CACNA1E: variants seen among roughly 807,000 people sequenced by gnomAD.
CACNA1E encodes the protein calcium voltage-gated channel subunit alpha1 E, also known as voltage-dependent R-type calcium channel subunit alpha-1E.
CACNA1E carries 40 observed loss-of-function variants against 259.2 expected under a neutral mutation model. That is an observed-to-expected ratio of 0.15 (90% CI 0.12 to 0.20). The LOEUF (loss-of-function observed/expected upper bound fraction) is 0.20, where lower values mean the gene tolerates loss of function less well. Ranked by LOEUF, CACNA1E falls within the 10% of genes least tolerant of loss-of-function variation. CACNA1E has a pLI of 1.00. For missense variants in CACNA1E, 1,874 were observed against 3,040.1 expected, an observed-to-expected ratio of 0.62 and a Z score of 9.02; for synonymous variants, 1,104 against 1,138.5, an observed-to-expected ratio of 0.97 and a Z score of 0.61.
intron 6 of CACNA1E, among the ~76,000 whole-genome samples, chr1:181,636,969 C>G (rs1414554735): frequency 6.6e-6 from 1 of 152,190 alleles, no homozygotes; most frequent in South Asian, 2.1e-4. Flanking sequence ...CTGCCCTCTC[C>G]CCTCTTCAAT....
chr1:181,400,614 C>T (rs887370768), intron 1 of CACNA1E, among the ~76,000 whole-genome samples: 2 of 152,126 alleles, frequency 1.3e-5, no homozygotes, highest in African/African-American at 2.4e-5. Flanking sequence ...GGCAAGGTCC[C>T]CGTGCCCCTC....
intron 40 of CACNA1E, among the ~76,000 whole-genome samples, chr1:181,784,255 C>A: frequency 6.6e-6 from 1 of 152,144 alleles, no homozygotes; most frequent in East Asian, 1.9e-4. Context: ...TTTGTGCAAT[C>A]TAAATCCTTT....
chr1:181,518,519 G>A (rs1666759799), intron 3 of CACNA1E, among the ~76,000 whole-genome samples: 1 of 152,198 alleles, frequency 6.6e-6, no homozygotes, highest in Non-Finnish European at 1.5e-5. Context: ...TCCAGGGAGA[G>A]GTGGGCAAAA....
chr1:181,527,778 A>G (rs1252167596), intron 3 of CACNA1E, among the ~76,000 whole-genome samples: 1 of 152,056 alleles, frequency 6.6e-6, no homozygotes, highest in Non-Finnish European at 1.5e-5. Flanking sequence ...TGATAGTTCT[A>G]TGTTGTTTTT....
chr1:181,736,140 T>C, intron 21 of CACNA1E, 135 bp from the exon 22 acceptor site: 1 of 966,742 alleles, frequency 1.0e-6, no homozygotes, highest in Non-Finnish European at 1.5e-6. Context: ...ATACCCCCAG[T>C]GCCTGCAGGG....
At chr1:181,726,237 G>T (rs1654898887) in intron 18 of CACNA1E, 75 bp downstream of exon 18, 2 of 1,029,020 alleles carry the variant, frequency 1.9e-6, no homozygotes, top group Non-Finnish European at 3.0e-6. Context: ...CAGAACTATT[G>T]GTTATAGGAG....
intron 44 of CACNA1E, 26 bp from the exon 45 acceptor site, chr1:181,793,639 A>T (rs1448874276): frequency 1.2e-6 from 2 of 1,603,874 alleles, no homozygotes; most frequent in South Asian, 2.3e-5. Context: ...CAAGTCCCAC[A>T]AGCTTGGCTG....
intron 3 of CACNA1E, among the ~76,000 whole-genome samples, chr1:181,560,246 TTG>T (rs1340199565): frequency 1.3e-5 from 2 of 151,304 alleles, no homozygotes; most frequent in African/African-American, 2.4e-5. Context: ...AAGTTTTTTT[TTG>T]TGTGTGTGAT....
intron 43 of CACNA1E, 138 bp from the exon 44 acceptor site, chr1:181,790,307 T>TAA (rs1553358120): frequency 3.7e-5 from 16 of 437,268 alleles, no homozygotes; most frequent in South Asian, 5.7e-5. Context: ...TTTTTTTTTT[T>TAA]AATTTCAGGA....
Position 181,802,393 on chromosome 1 carries a change from A to C in CACNA1E, c.*3559A>C, listed in dbSNP as rs991207845. The C allele has an allele frequency of 2.0e-5, 3 of 151,844 alleles. No individual in the cohort carries two copies. Among genetic ancestry groups the C allele is most frequent in the Non-Finnish European group, 4.4e-5 (3 of 67,980 alleles). 9.4% of individuals were successfully genotyped at this position (151,844 alleles called of 1,614,324 possible). On this transcript the variant is annotated 3_prime_UTR_variant, in exon 48 of 48. Transcript: ENST00000367573. ...CCACAAAGAGAAGGCCCCATAATCC[A>C]CCTCTCAGCCAGTATCTCCCTTCTT...
chr1:181,663,183 A>G (rs971698174), intron 7 of CACNA1E, among the ~76,000 whole-genome samples: 15 of 152,352 alleles, frequency 9.8e-5, no homozygotes, highest in Middle Eastern at 3.4e-3. Flanking sequence ...ATAAGATGTA[A>G]TATTTATTGA....
chr1:181,672,825 A>G (rs1443625407), intron 7 of CACNA1E, among the ~76,000 whole-genome samples: 1 of 152,180 alleles, frequency 6.6e-6, no homozygotes, highest in East Asian at 1.9e-4. Flanking sequence ...AAAATTTGAG[A>G]AGTTGGTGGC....
At chr1:181,434,715 G>GCA (rs1469842015) in intron 2 of CACNA1E, among the ~76,000 whole-genome samples, 3 of 152,200 alleles carry the variant, frequency 2.0e-5, no homozygotes, top group Non-Finnish European at 2.9e-5. Flanking sequence ...GGGAGCGCAG[G>GCA]GGGTTTGGTG....
At chr1:181,727,376 G>C (rs542141360) in intron 18 of CACNA1E, among the ~76,000 whole-genome samples, 1 of 152,228 alleles carries the variant, frequency 6.6e-6, no homozygotes, top group Non-Finnish European at 1.5e-5. Flanking sequence ...GGGTGCCGGT[G>C]CTACATACTG....
chr1:181,623,139 CA>C (rs1341814243), intron 6 of CACNA1E, among the ~76,000 whole-genome samples: 1 of 152,176 alleles, frequency 6.6e-6, no homozygotes, highest in Non-Finnish European at 1.5e-5. Flanking sequence ...CCCACCTTTC[CA>C]ATTATGCAAC....
chr1:181,785,669 T>C (rs1660790781), intron 42 of CACNA1E, 44 bp from the exon 43 acceptor site: 9 of 1,298,592 alleles, frequency 6.9e-6, no homozygotes, highest in Non-Finnish European at 1.0e-5. Context: ...GCAAACTCCG[T>C]AGTCATTGGA....
At chr1:181,585,275 T>C (rs1651947846) in intron 6 of CACNA1E, among the ~76,000 whole-genome samples, 1 of 152,198 alleles carries the variant, frequency 6.6e-6, no homozygotes, top group Admixed American at 6.5e-5. Flanking sequence ...GTCAGGCTTT[T>C]CATGGAGAGG....
chr1:181,451,138 TAGTC>T (rs943682038), intron 2 of CACNA1E, among the ~76,000 whole-genome samples: 1 of 152,154 alleles, frequency 6.6e-6, no homozygotes, highest in African/African-American at 2.4e-5. Context: ...TGTTGACGAA[TAGTC>T]AGCCCTTAGC....
intron 3 of CACNA1E, among the ~76,000 whole-genome samples, chr1:181,513,978 A>C (rs1666358479): frequency 6.6e-6 from 1 of 152,140 alleles, no homozygotes. Flanking sequence ...CTCCTCCTCC[A>C]GACCTGCTGC....
Sources: gnomAD v4.1 joint callset for allele counts (sites outside exome capture counted in the v4.1 genomes callset) on GRCh38, gnomAD v4.1.1 for gene constraint, MANE v1.5 for transcripts, NCBI Gene and HGNC (gene_info 2026-07-23, HGNC 2026-07-21) for gene names.